Variants in SPACA7 observed in about 807,000 individuals in gnomAD.
The protein encoded by SPACA7 is sperm acrosome associated 7, also known as sperm acrosome-associated protein 7.
A neutral mutation model predicts 26.3 loss-of-function variants in SPACA7; 19 were observed. The ratio of observed to expected loss-of-function variants is 0.72; its 90% confidence interval spans 0.50 to 1.06. The LOEUF is 1.06. Among genes scored for constraint, SPACA7 ranks in the 50% least tolerant of loss-of-function variants. The pLI, the probability that SPACA7 is intolerant of heterozygous loss-of-function variation, is 0.00. For synonymous variants in SPACA7, 84 were observed against 84.5 expected, an observed-to-expected ratio of 0.99 and a Z score of 0.04; for missense variants, 211 against 229.9, an observed-to-expected ratio of 0.92 and a Z score of 0.53.
At chr13:112,420,871 T>C (rs1368064904) in intron 5 of SPACA7, among the ~76,000 whole-genome samples, 1 of 151,978 alleles carries the variant, frequency 6.6e-6, no homozygotes, top group African/African-American at 2.4e-5. Context: ...AAGATAGGAA[T>C]TACAGCAAAC....
chr13:112,390,980 G>C (rs1003231253), intron 1 of SPACA7, among the ~76,000 whole-genome samples: 1 of 152,218 alleles, frequency 6.6e-6, no homozygotes, highest in Non-Finnish European at 1.5e-5. Flanking sequence ...AATGCTGGGG[G>C]TGCTGCACTG....
In SPACA7 at chr13:112,432,429, T is replaced by C. The variant is rs756904097; in HGVS notation, c.446-15T>C. 4.4e-6 allele frequency: 7 copies of C among 1,584,046 alleles called. No individual in the cohort carries two copies. The East Asian group carries it at 6.7e-5, about 15-fold the overall frequency. On this transcript the variant is annotated splice_polypyrimidine_tract_variant and intron_variant, in intron 5 of 6. Transcript: ENST00000283550. ...TTACAAAGAGTGATCATTGTACTTA[T>C]TGTTTTCCCCACAGAAAAGAATTCA...
At chr13:112,379,809 T>C (rs1217498090) in intron 1 of SPACA7, among the ~76,000 whole-genome samples, 2 of 152,206 alleles carry the variant, frequency 1.3e-5, no homozygotes, top group Non-Finnish European at 2.9e-5. Flanking sequence ...AGAATTTTAC[T>C]TGGATGAAGT....
intron 4 of SPACA7, 71 bp downstream of exon 4, chr13:112,399,244 C>T (rs1885481239): frequency 4.9e-6 from 4 of 819,178 alleles, no homozygotes; most frequent in Non-Finnish European, 8.6e-6. Context: ...CAGGCAGACG[C>T]AGGCGGAAAC....
intron 1 of SPACA7, among the ~76,000 whole-genome samples, chr13:112,389,780 T>C (rs1884758305): frequency 6.6e-6 from 1 of 152,238 alleles, no homozygotes; most frequent in Non-Finnish European, 1.5e-5. Context: ...ACTCACTGGT[T>C]TATCTCCACT....
intron 5 of SPACA7, among the ~76,000 whole-genome samples, chr13:112,432,007 G>A (rs949681352): frequency 6.6e-6 from 1 of 152,206 alleles, no homozygotes; most frequent in Non-Finnish European, 1.5e-5. Context: ...AAGAAAGGTG[G>A]GGGAAATTCA....
At chr13:112,397,978 C>A in intron 2 of SPACA7, 71 bp from the exon 3 acceptor site, 1 of 945,106 alleles carries the variant, frequency 1.1e-6, no homozygotes, top group Non-Finnish European at 1.7e-6. Flanking sequence ...TACAGATGGC[C>A]TTAGGGGACA....
rs1484723714 is a variant in SPACA7 at position 112,396,099 on chromosome 13, C to T, written c.152-1950C>T. Among the ~76,000 whole-genome samples the T allele has an allele frequency of 1.5e-5, 2 of 136,748 alleles. 1 individual carries two copies. The allele number at this position is 136,748 out of a possible 152,430, so 89.7% of individuals were successfully genotyped here. On this transcript the variant is annotated intron_variant, in intron 2 of 6. Transcript: ENST00000283550. ...CCTCACAGCTGGGCCACCATCCACC[C>T]GCCTCAGGGAATCCCAGGGTGTCTG...
intron 5 of SPACA7, among the ~76,000 whole-genome samples, chr13:112,414,881 G>A (rs1183410610): frequency 6.6e-6 from 1 of 152,150 alleles, no homozygotes. Flanking sequence ...AATGTTCACT[G>A]GTGCCTGGGC....
At chr13:112,396,268 G>A (rs557551067) in intron 2 of SPACA7, among the ~76,000 whole-genome samples, 4 of 152,118 alleles carry the variant, frequency 2.6e-5, no homozygotes, top group South Asian at 4.2e-4. Flanking sequence ...CCATGGACGG[G>A]GGTGATCCCC....
intron 2 of SPACA7, among the ~76,000 whole-genome samples, chr13:112,393,889 G>C (rs28537752): frequency 0.13 from 19,706 of 151,350 alleles, 3,190 homozygotes; most frequent in African/African-American, 0.37. Flanking sequence ...GAGAGGCTGA[G>C]ACAGGAGAAT....
intron 1 of SPACA7, chr13:112,382,517 G>C (rs1314963597): frequency 1.9e-6 from 3 of 1,549,810 alleles, no homozygotes; most frequent in Non-Finnish European, 2.6e-6. Flanking sequence ...GGTGAGAACA[G>C]TGGAACCGTT....
At chr13:112,384,995 AC>A (rs1323307406) in intron 1 of SPACA7, among the ~76,000 whole-genome samples, 2 of 152,182 alleles carry the variant, frequency 1.3e-5, no homozygotes, top group Non-Finnish European at 2.9e-5. Context: ...ACTTTTAGAA[AC>A]CTTTACAATT....
At chr13:112,395,390 G>A (rs1885177453) in intron 2 of SPACA7, among the ~76,000 whole-genome samples, 1 of 152,228 alleles carries the variant, frequency 6.6e-6, no homozygotes, top group South Asian at 2.1e-4. Flanking sequence ...GCTAGAGGAG[G>A]TCTGACTTCC....
chr13:112,404,178 A>G (rs1172903762), intron 5 of SPACA7, among the ~76,000 whole-genome samples: 2 of 152,090 alleles, frequency 1.3e-5, no homozygotes, highest in African/African-American at 4.8e-5. Context: ...ATCATTAGTG[A>G]TGTTCAGCAT....
intron 5 of SPACA7, among the ~76,000 whole-genome samples, chr13:112,403,856 G>A (rs1288560707): frequency 6.6e-6 from 1 of 152,072 alleles, no homozygotes; most frequent in Non-Finnish European, 1.5e-5. Flanking sequence ...CCATATTTTT[G>A]CAATTGCAAA....
chr13:112,406,503 C>A lies in SPACA7; in HGVS notation c.445+5339C>A, dbSNP rs193186855. 8.8e-4 allele frequency among the ~76,000 whole-genome samples: 134 copies of A among 152,268 alleles called. 1 individual carries two copies. Among genetic ancestry groups the A allele is most frequent in the East Asian group, 3.1e-3 (16 of 5,190 alleles). ...TAATATTGAGAATGTATTTTAAAAA[C>A]TCCTAAAACCCAACAACAAATAACT... is the stretch of plus-strand genomic sequence containing the variant. On this transcript the variant is annotated intron_variant, in intron 5 of 6. Transcript: ENST00000283550.
intron 2 of SPACA7, among the ~76,000 whole-genome samples, chr13:112,396,800 G>A (rs1218876269): frequency 6.6e-6 from 1 of 152,140 alleles, no homozygotes; most frequent in African/African-American, 2.4e-5. Flanking sequence ...CGGCAGCTCC[G>A]CAATACAAGG....
chr13:112,411,759 CA>C (rs1232612290), intron 5 of SPACA7, among the ~76,000 whole-genome samples: 12 of 152,092 alleles, frequency 7.9e-5, no homozygotes. Flanking sequence ...CTGCAATTGA[CA>C]GGATTTTGGT....
Sources: gnomAD v4.1 joint callset for allele counts (sites outside exome capture counted in the v4.1 genomes callset) on GRCh38, gnomAD v4.1.1 for gene constraint, MANE v1.5 for transcripts, NCBI Gene and HGNC (gene_info 2026-07-23, HGNC 2026-07-21) for gene names.